The following NEIL2 variants were observed in gnomAD, a reference collection of about 807,000 sequenced individuals.
NEIL2 encodes nei like DNA glycosylase 2.
In NEIL2, 23 loss-of-function variants were observed where a neutral mutation model predicts 22.2. That is an observed-to-expected ratio of 1.04 (90% confidence interval 0.75 to 1.47). The LOEUF is 1.47. NEIL2 is among the 40% of genes most tolerant of loss of function. NEIL2 has a pLI of 0.00. For synonymous variants in NEIL2, 229 were observed against 164.8 expected, an observed-to-expected ratio of 1.39 and a Z score of -2.99; for missense variants, 583 against 404.7, an observed-to-expected ratio of 1.44 and a Z score of -3.78.
In NEIL2 at chr8:11,779,231, G is replaced by A. The variant is rs113863755; in HGVS notation, c.139-367G>A. On this transcript the variant is annotated intron_variant, in intron 2 of 4. Coordinates refer to ENST00000284503, the MANE Select transcript of NEIL2 (RefSeq NM_145043.4). ...CTGTATGTGTGCATTCCCACGCACCGCTTATTTCTGGCATAGAAAATGTAT... is the reference window on the plus strand; with the variant it reads ...CTGTATGTGTGCATTCCCACGCACCACTTATTTCTGGCATAGAAAATGTAT... 7.0e-3 allele frequency among the ~76,000 whole-genome samples: 1,060 copies of A among 152,280 alleles called. 9 individuals carry two copies. The highest frequency in any genetic ancestry group is 0.02 in the Middle Eastern group (6 of 294).
chr8:11,782,787 G>A (rs376068090), intron 3 of NEIL2: 1 of 284,724 alleles, frequency 3.5e-6, no homozygotes, highest in Non-Finnish European at 6.8e-6. Context: ...ACGATGTGGG[G>A]ATGTGTGTAT....
chr8:11,780,046 C>G, intron 3 of NEIL2, 96 bp downstream of exon 3: 2 of 1,058,530 alleles, frequency 1.9e-6, no homozygotes, highest in Non-Finnish European at 2.8e-6. Flanking sequence ...ATACTGAGGA[C>G]GTCCAGTCTG....
chr8:11,785,835 AGATCGCAGACCC>A lies in NEIL2; in HGVS notation c.689-126_689-115del, dbSNP rs1253293300. ...TTTACAGACAGAGAAATGGAGTCAG[AGATCGCAGACCC>A]GTCTAGGGTCCCCCAGGACATGGAA... is the stretch of plus-strand genomic sequence containing the variant. On this transcript the variant is annotated intron_variant, in intron 4 of 4. Coordinates refer to ENST00000284503, the MANE Select transcript of NEIL2 (RefSeq NM_145043.4). 41 of 826,208 alleles carry A rather than the reference AGATCGCAGACCC, an allele frequency of 5.0e-5. No homozygotes were observed. In the East Asian group the frequency reaches 9.4e-4, roughly 19 times the overall value. 51.2% of individuals were successfully genotyped at this position (826,208 alleles called of 1,614,324 possible).
Position 11,786,206 on chromosome 8 carries a change from T to C in NEIL2, c.932T>C (p.Leu311Pro). ...AFGPEDGLQR[L>P]TWWCPQCQPQ... is the part of the protein sequence containing the mutation. ...GGGCCCGAAGATGGGTTACAGAGGC[T>C]CACCTGGTGGTGCCCGCAGTGCCAG... Residue 311 changes from leucine to proline, a missense_variant, in exon 5 of 5, where the codon CTC becomes CCC. Coordinates refer to ENST00000284503, the MANE Select transcript of NEIL2 (RefSeq NM_145043.4). The C allele has an allele frequency of 6.2e-7, 1 of 1,613,516 alleles. No individual in the cohort carries two copies. The highest frequency in any genetic ancestry group is 1.1e-5 in the South Asian group (1 of 91,054).
In NEIL2 at chr8:11,786,215, G is replaced by A. The variant is rs1297062911; in HGVS notation, c.941G>A (p.Trp314Ter). 6.2e-7 allele frequency: 1 copy of A among 1,613,304 alleles called. No homozygotes were observed. Among genetic ancestry groups the A allele is most frequent in the East Asian group, 2.2e-5 (1 of 44,880 alleles). ...PEDGLQRLTW[W>*]CPQCQPQLSE... The stretch of plus-strand genomic sequence containing the variant: ...GATGGGTTACAGAGGCTCACCTGGT[G>A]GTGCCCGCAGTGCCAGCCCCAGTTG... Residue 314 changes from tryptophan (W) to a stop codon, truncating the protein, a stop_gained, in exon 5 of 5, where the codon TGG (tryptophan) becomes TAG (stop). Coordinates refer to ENST00000284503, the MANE Select transcript of NEIL2 (RefSeq NM_145043.4). LOFTEE classifies it low-confidence loss of function (END_TRUNC).
rs1804256405 is a variant in NEIL2 at position 11,779,878 on chromosome 8, GC to G, written c.420del (p.Ser140ArgfsTer4). 6.2e-7 allele frequency: 1 copy of G among 1,614,204 alleles called. No homozygotes were observed. Among genetic ancestry groups the G allele is most frequent in the Non-Finnish European group, 8.5e-7 (1 of 1,180,040 alleles). ...CGTGTCAGCTTTGGTTTGTTTGGCA[GC>G]GTTTGGGTGAACGATTTCTCCAGAG... ...WLRVSFGLFG[S>X]VWVNDFSRAK... On this transcript the variant is annotated frameshift_variant, in exon 3 of 5. Transcript: ENST00000284503. LOFTEE classifies it high-confidence loss of function.
Position 11,779,628 on chromosome 8 carries a change from G to T in NEIL2, c.169G>T (p.Asp57Tyr), listed in dbSNP as rs2130498744. The T allele has an allele frequency of 6.2e-7, 1 of 1,613,310 alleles. No homozygotes were observed. Among genetic ancestry groups the T allele is most frequent in the Non-Finnish European group, 8.5e-7 (1 of 1,179,804 alleles). Reference protein sequence around the residue: ...VHGKKLFLRFDLDEEMGPPGS... With the variant: ...VHGKKLFLRFYLDEEMGPPGS... ...TGGAAAGAAATTATTCCTTAGATTT[G>T]ATCTAGATGAAGAAATGGGGCCCCC... The change falls in exon 3 of 5, where the codon GAT (aspartate) becomes TAT (tyrosine). Residue 57 changes from aspartate to tyrosine, a missense_variant. Asp to Tyr is a radical substitution (Grantham distance 160). Coordinates refer to ENST00000284503, the MANE Select transcript of NEIL2 (RefSeq NM_145043.4).
chr8:11,771,496 T>G lies in NEIL2; in HGVS notation c.49T>G (p.Phe17Val). 2 of 1,614,094 alleles carry G rather than the reference T, an allele frequency of 1.2e-6. No individual in the cohort carries two copies. Among genetic ancestry groups the G allele is most frequent in the Non-Finnish European group, 8.5e-7 (1 of 1,180,024 alleles). ...GAAATTTCACCATTTGGTCTCCCCC[T>G]TTGTGGGTCAGCAGGTGGTCAAGAC... The part of the protein sequence containing the change: ...VRKFHHLVSP[F>V]VGQQVVKTGG... Residue 17 changes from phenylalanine (F) to valine (V), a missense_variant, in exon 2 of 5, where the codon TTT becomes GTT. By Grantham distance (50) the Phe-to-Val change is conservative. Coordinates refer to ENST00000284503, the MANE Select transcript of NEIL2 (RefSeq NM_145043.4).
rs775706372 is a variant in NEIL2, at chr8:11,779,735, C to T, written c.276C>T (p.Pro92=). The T allele has an allele frequency of 1.2e-6, 2 of 1,614,210 alleles. No homozygotes were observed. The highest frequency in any genetic ancestry group is 1.7e-5 in the Admixed American group (1 of 60,026). ...GAADPKQVGE[P]SGQKTLDGSS... ...CGGACCCAAAGCAGGTCGGGGAGCC[C>T]AGCGGGCAGAAGACCCTTGATGGAT... is the stretch of plus-strand genomic sequence containing the variant. The change falls in exon 3 of 5, where the codon CCC becomes CCT. Residue 92 remains proline, a synonymous_variant. Coordinates refer to ENST00000284503, the MANE Select transcript of NEIL2 (RefSeq NM_145043.4).
chr8:11,774,096 C>G (rs1039447348), intron 2 of NEIL2, among the ~76,000 whole-genome samples: 8 of 152,166 alleles, frequency 5.3e-5, no homozygotes, highest in Admixed American at 3.9e-4. Flanking sequence ...AACCGTCAGG[C>G]CAGGTGCAGT....
At chr8:11,785,025 C>G (rs754961725) in intron 4 of NEIL2, among the ~76,000 whole-genome samples, 2 of 151,988 alleles carry the variant, frequency 1.3e-5, no homozygotes, top group Non-Finnish European at 2.9e-5. Context: ...CATGACATCA[C>G]GCCTCACTAA....
Position 11,779,912 on chromosome 8 carries a change from A to G in NEIL2, c.453A>G (p.Lys151=). ...TGAACGATTTCTCCAGAGCCAAGAAAGCCAACAAGAGGGGGGACTGGAGGG... is the reference window on the plus strand; with the variant it reads ...TGAACGATTTCTCCAGAGCCAAGAAGGCCAACAAGAGGGGGGACTGGAGGG... The part of the protein sequence containing the change: ...VWVNDFSRAK[K]ANKRGDWRDP... Residue 151 remains lysine (K), a synonymous_variant, in exon 3 of 5, where the codon AAA becomes AAG. Coordinates refer to ENST00000284503, the MANE Select transcript of NEIL2 (RefSeq NM_145043.4). 1 of 1,614,158 alleles carries G rather than the reference A, an allele frequency of 6.2e-7. No homozygotes were observed. The highest frequency in any genetic ancestry group is 8.5e-7 in the Non-Finnish European group (1 of 1,180,008).
rs190232199 is a variant in NEIL2 at position 11,785,855 on chromosome 8, G to A, written c.689-108G>A. The A allele has an allele frequency of 1.6e-3, 1,608 of 1,005,296 alleles. 1 individual carries two copies. Among genetic ancestry groups the A allele is most frequent in the Middle Eastern group, 2.3e-3 (9 of 3,952 alleles). The allele number at this position is 1,005,296 out of a possible 1,614,324, so 62.3% of individuals were successfully genotyped here. ...GTCAGAGATCGCAGACCCGTCTAGGGTCCCCCAGGACATGGAAGAGCTGAT... is the reference window on the plus strand; with the variant it reads ...GTCAGAGATCGCAGACCCGTCTAGGATCCCCCAGGACATGGAAGAGCTGAT... On this transcript the variant is annotated intron_variant, in intron 4 of 4. Coordinates refer to ENST00000284503, the MANE Select transcript of NEIL2 (RefSeq NM_145043.4).
At chr8:11,774,265 C>G (rs1045140125) in intron 2 of NEIL2, among the ~76,000 whole-genome samples, 3 of 152,132 alleles carry the variant, frequency 2.0e-5, no homozygotes, top group Non-Finnish European at 4.4e-5. Context: ...ATCCCAGCTA[C>G]TTGGGAGGCT....
chr8:11,779,892 G>A lies in NEIL2; in HGVS notation c.433G>A (p.Asp145Asn), dbSNP rs750916537. The A allele has an allele frequency of 3.7e-6, 6 of 1,614,054 alleles. No individual in the cohort carries two copies. The highest frequency in any genetic ancestry group is 2.2e-5 in the East Asian group (1 of 44,894). ...TTTGTTTGGCAGCGTTTGGGTGAACGATTTCTCCAGAGCCAAGAAAGCCAA... is the reference window on the plus strand; with the variant it reads ...TTTGTTTGGCAGCGTTTGGGTGAACAATTTCTCCAGAGCCAAGAAAGCCAA... ...FGLFGSVWVNDFSRAKKANKR... is the reference protein window; with the variant it reads ...FGLFGSVWVNNFSRAKKANKR... Residue 145 changes from aspartate (D) to asparagine (N), a missense_variant, in exon 3 of 5, where the codon GAT (aspartate) becomes AAT (asparagine). By Grantham distance (23) the Asp-to-Asn change is conservative. Coordinates refer to ENST00000284503, the MANE Select transcript of NEIL2 (RefSeq NM_145043.4).
intron 2 of NEIL2, among the ~76,000 whole-genome samples, chr8:11,774,114 G>T (rs1486676086): frequency 2.0e-5 from 3 of 152,204 alleles, no homozygotes; most frequent in Admixed American, 6.5e-5. Flanking sequence ...AGTGGCTCAT[G>T]CCTGTAATCC....
At chr8:11,777,250 C>A (rs1217786262) in intron 2 of NEIL2, among the ~76,000 whole-genome samples, 1 of 152,044 alleles carries the variant, frequency 6.6e-6, no homozygotes, top group Non-Finnish European at 1.5e-5. Context: ...GTCTCAGCCT[C>A]CCAAAGTGCA....
At chr8:11,774,769 C>T (rs1370952891) in intron 2 of NEIL2, among the ~76,000 whole-genome samples, 1 of 152,184 alleles carries the variant, frequency 6.6e-6, no homozygotes, top group East Asian at 1.9e-4. Context: ...GAGAAATTGG[C>T]CAAAACGAAG....
rs34908835 is a variant in NEIL2, at chr8:11,778,290, G to GTTTTTTTTTT, written c.139-1297_139-1288dup. On this transcript the variant is annotated intron_variant, in intron 2 of 4. Coordinates refer to ENST00000284503, the MANE Select transcript of NEIL2 (RefSeq NM_145043.4). Reference sequence around the variant, plus strand: ...TTATGCCCACTTAAATCCTTGCTCAGTTTTTTTTTTTTTTTTTTTTATGTA... The same window carrying GTTTTTTTTTT: ...TTATGCCCACTTAAATCCTTGCTCAGTTTTTTTTTTTTTTTTTTTTTTTTTTTTTTATGTA... Among the ~76,000 whole-genome samples the GTTTTTTTTTT allele has an allele frequency of 1.8e-4, 24 of 130,296 alleles. 1 individual carries two copies. Among genetic ancestry groups the GTTTTTTTTTT allele is most frequent in the South Asian group, 4.9e-4 (2 of 4,070 alleles). The allele number at this position is 130,296 out of a possible 152,430, so 85.5% of individuals were successfully genotyped here.
Sources: gnomAD v4.1 joint callset for allele counts (sites outside exome capture counted in the v4.1 genomes callset) on GRCh38, gnomAD v4.1.1 for gene constraint, MANE v1.5 for transcripts, NCBI Gene and HGNC (gene_info 2026-07-23, HGNC 2026-07-21) for gene names.